The following BICD1 variants were observed in gnomAD, a reference collection of about 807,000 sequenced individuals.
BICD1 encodes the protein BICD cargo adaptor 1.
In BICD1, 35 loss-of-function variants were observed where a neutral mutation model predicts 92.5. The observed-to-expected ratio is 0.38, with a 90% CI of 0.29 to 0.50. BICD1 has a LOEUF of 0.50. Ranked by LOEUF, BICD1 falls within the 20% of genes least tolerant of loss-of-function variation. The probability of loss-of-function intolerance (pLI) is 0.93; values close to 1 mark genes in which losing one functional copy is unlikely to be tolerated. For synonymous variants in BICD1, 429 were observed against 465.1 expected, an observed-to-expected ratio of 0.92 and a Z score of 1.00; for missense variants, 950 against 1,189.8, an observed-to-expected ratio of 0.80 and a Z score of 2.97.
chr12:32,117,711 TACACACACAC>T (rs747943737), intron 1 of BICD1, among the ~76,000 whole-genome samples: 1 of 117,026 alleles, frequency 8.5e-6, no homozygotes, highest in Non-Finnish European at 1.7e-5. Flanking sequence ...CAAATATATA[TACACACACAC>T]ACACACACAC....
chr12:32,148,237 T>C (rs1450041040), intron 1 of BICD1, among the ~76,000 whole-genome samples: 1 of 152,068 alleles, frequency 6.6e-6, no homozygotes, highest in African/African-American at 2.4e-5. Flanking sequence ...TGGTCATTTC[T>C]GACAGGCCTG....
At chr12:32,226,835 G>A (rs1945711267) in intron 2 of BICD1, among the ~76,000 whole-genome samples, 2 of 152,244 alleles carry the variant, frequency 1.3e-5, no homozygotes, top group African/African-American at 4.8e-5. Flanking sequence ...CCCCAGCTGC[G>A]GTGACCTTGC....
intron 2 of BICD1, among the ~76,000 whole-genome samples, chr12:32,250,856 G>A (rs1306597970): frequency 6.6e-6 from 1 of 152,096 alleles, no homozygotes; most frequent in African/African-American, 2.4e-5. Context: ...GGTGGCATGT[G>A]CCTATAGTCC....
At chr12:32,237,111 A>C (rs1946096086) in intron 2 of BICD1, among the ~76,000 whole-genome samples, 2 of 151,926 alleles carry the variant, frequency 1.3e-5, no homozygotes. Context: ...TGATCTCCTG[A>C]CCTTGTGATC....
chr12:32,293,968 A>C (rs776338322), intron 2 of BICD1, 26 bp from the exon 3 acceptor site: 2 of 1,602,032 alleles, frequency 1.2e-6, no homozygotes, highest in Non-Finnish European at 1.7e-6. Flanking sequence ...AGAGTTATAT[A>C]TTGACTGTTT....
At chr12:32,175,778 T>C (rs1049313299) in intron 1 of BICD1, among the ~76,000 whole-genome samples, 1 of 152,246 alleles carries the variant, frequency 6.6e-6, no homozygotes, top group Non-Finnish European at 1.5e-5. Flanking sequence ...TAATTTTTAG[T>C]AGCTTTACTG....
At chr12:32,113,317 A>C (rs1144720) in intron 1 of BICD1, among the ~76,000 whole-genome samples, 1 of 151,846 alleles carries the variant, frequency 6.6e-6, no homozygotes, top group African/African-American at 2.4e-5. Flanking sequence ...AGGTGGTTCT[A>C]TTTACAAAGG....
At position 32,220,342 on chromosome 12, in the gene BICD1, C is replaced by T. The variant is rs372271775; in HGVS notation, c.426+3883C>T. Among the ~76,000 whole-genome samples, 7 of 152,312 alleles carry T rather than the reference C, an allele frequency of 4.6e-5. No individual in the cohort carries two copies. In the East Asian group the frequency reaches 9.6e-4, roughly 21 times the overall value. ...TGGGAGAAAATTTTCGCAACCTACTCATCTGACAAAGGGCTGATATCCAGA... is the reference window on the plus strand; with the variant it reads ...TGGGAGAAAATTTTCGCAACCTACTTATCTGACAAAGGGCTGATATCCAGA... On this transcript the variant is annotated intron_variant, in intron 2 of 9. Coordinates refer to ENST00000652176, the MANE Select transcript of BICD1 (RefSeq NM_001714.4).
intron 4 of BICD1, among the ~76,000 whole-genome samples, chr12:32,320,488 A>G (rs1948623248): frequency 6.6e-6 from 1 of 152,106 alleles, no homozygotes; most frequent in South Asian, 2.1e-4. Flanking sequence ...CTAAAAATAC[A>G]AAAATTAGCC....
At chr12:32,316,160 G>C (rs913997752) in intron 4 of BICD1, among the ~76,000 whole-genome samples, 1 of 150,642 alleles carries the variant, frequency 6.6e-6, no homozygotes, top group Non-Finnish European at 1.5e-5. Context: ...AAAAGGCTTT[G>C]AGTTAGATGA....
At chr12:32,310,106 G>A (rs1948335229) in intron 4 of BICD1, among the ~76,000 whole-genome samples, 1 of 152,214 alleles carries the variant, frequency 6.6e-6, no homozygotes, top group Non-Finnish European at 1.5e-5. Flanking sequence ...ATATGCAGCA[G>A]TTCAGGTTTT....
intron 2 of BICD1, among the ~76,000 whole-genome samples, chr12:32,271,885 A>G: frequency 6.6e-6 from 1 of 152,138 alleles, no homozygotes; most frequent in East Asian, 1.9e-4. Context: ...CCAAGAGACA[A>G]TGTCAAGGTG....
intron 1 of BICD1, among the ~76,000 whole-genome samples, chr12:32,122,940 C>A (rs545189958): frequency 1.4e-4 from 21 of 152,206 alleles, no homozygotes; most frequent in Non-Finnish European, 2.6e-4. Flanking sequence ...ATGGTTCATT[C>A]ATTCATTCCT....
intron 1 of BICD1, among the ~76,000 whole-genome samples, chr12:32,197,643 A>G (rs1321721075): frequency 6.6e-6 from 1 of 152,240 alleles, no homozygotes; most frequent in Non-Finnish European, 1.5e-5. Flanking sequence ...GCTTAAGGCT[A>G]TGACTGTATT....
chr12:32,319,880 A>C (rs960898366), intron 4 of BICD1, among the ~76,000 whole-genome samples: 1 of 152,180 alleles, frequency 6.6e-6, no homozygotes, highest in African/African-American at 2.4e-5. Flanking sequence ...TACTGGTCTC[A>C]TAAGAGTTGG....
chr12:32,349,347 C>CTA (rs959056669), intron 8 of BICD1, among the ~76,000 whole-genome samples: 20 of 152,134 alleles, frequency 1.3e-4, no homozygotes, highest in Non-Finnish European at 2.6e-4. Flanking sequence ...TGCAAAGGGA[C>CTA]TTCTATCTGC....
intron 9 of BICD1, among the ~76,000 whole-genome samples, chr12:32,368,737 A>G (rs1939622127): frequency 6.6e-6 from 1 of 152,154 alleles, no homozygotes; most frequent in Non-Finnish European, 1.5e-5. Flanking sequence ...CAGGCCAACA[A>G]ACAGGAAGAA....
At chr12:32,375,352 A>C (rs1939912261) in intron 9 of BICD1, among the ~76,000 whole-genome samples, 1 of 152,118 alleles carries the variant, frequency 6.6e-6, no homozygotes, top group African/African-American at 2.4e-5. Context: ...AAAATGGTGA[A>C]AGTCCGTCTC....
At chr12:32,316,245 G>A (rs1308144291) in intron 4 of BICD1, among the ~76,000 whole-genome samples, 1 of 151,728 alleles carries the variant, frequency 6.6e-6, no homozygotes, top group Non-Finnish European at 1.5e-5. Context: ...AGAATGTTTG[G>A]TAGGTTATGT....
Sources: allele counts gnomAD v4.1 joint callset (sites outside exome capture counted in the v4.1 genomes callset), GRCh38; gene constraint gnomAD v4.1.1; transcripts MANE v1.5; gene names NCBI Gene and HGNC (gene_info 2026-07-23, HGNC 2026-07-21).